The following AGAP1 variants were observed in gnomAD, a reference collection of about 807,000 sequenced individuals.
AGAP1 encodes ArfGAP with GTPase domain, ankyrin repeat and PH domain 1.
AGAP1 carries 29 observed loss-of-function variants against 105.3 expected under a neutral mutation model. The ratio of observed to expected loss-of-function variants is 0.28; its 90% CI spans 0.21 to 0.38. The LOEUF is 0.38. Ranked by LOEUF, AGAP1 falls within the 10% of genes least tolerant of loss-of-function variation. The pLI is 1.00. For synonymous variants in AGAP1, 509 were observed against 485.9 expected (o/e 1.05, Z -0.63); for missense variants, 998 against 1,165.1 (o/e 0.86, Z 2.09).
chr2:236,101,629 G>A lies in AGAP1; in HGVS notation c.2115-18563G>A, dbSNP rs987514980. Reference sequence around the variant, plus strand: ...TCCACTTTACGGGATCCGGAGCGGAGGAAAAGGGCCATTTCTCTTCCCTTA... The same window carrying A: ...TCCACTTTACGGGATCCGGAGCGGAAGAAAAGGGCCATTTCTCTTCCCTTA... On this transcript the variant is annotated intron_variant, in intron 16 of 17. Transcript: ENST00000304032. The surrounding 1 kb of genome is among the most constrained non-coding windows in gnomAD (Gnocchi z 4.9). Among the ~76,000 whole-genome samples the A allele has an allele frequency of 7.9e-5, 12 of 152,296 alleles. No individual in the cohort carries two copies. Among genetic ancestry groups the A allele is most frequent in the Non-Finnish European group, 1.6e-4 (11 of 68,030 alleles).
intron 10 of AGAP1, among the ~76,000 whole-genome samples, chr2:235,902,783 C>A (rs1229289419): frequency 1.3e-5 from 2 of 152,216 alleles, no homozygotes; most frequent in African/African-American, 4.8e-5. Flanking sequence ...CAACCATCAC[C>A]CTCCGGTAGC....
rs932823413 is a variant in AGAP1, at chr2:236,077,201, C to G, written c.2114+27920C>G. ...CGAGAGATAATCAGTTAATGTTTGA[C>G]ATATTACATGTAGTCTTCCTCTGCA... On this transcript the variant is annotated intron_variant, in intron 16 of 17. Coordinates refer to ENST00000304032, the MANE Select transcript of AGAP1 (RefSeq NM_001037131.3). 2.1e-5 allele frequency among the ~76,000 whole-genome samples: 3 copies of G among 146,254 alleles called. No homozygotes were observed. In the Admixed American group the frequency reaches 2.1e-4, roughly 10 times the overall value.
chr2:235,534,235 G>A (rs529987508), intron 1 of AGAP1, among the ~76,000 whole-genome samples: 6 of 152,204 alleles, frequency 3.9e-5, no homozygotes, highest in Admixed American at 6.5e-5. Context: ...AAATGGGACC[G>A]ATAGCGTGCG....
rs550525810 is a variant in AGAP1, at chr2:236,102,199, C to T, written c.2115-17993C>T. Among the ~76,000 whole-genome samples the T allele has an allele frequency of 8.0e-4, 122 of 152,230 alleles. 1 individual carries two copies. Among genetic ancestry groups the T allele is most frequent in the African/African-American group, 1.6e-3 (68 of 41,538 alleles). ...TTGGGAGGCCAAGGCGGGCGGATCA[C>T]AAGGTCAGGAGATCGAGACCATCCT... On this transcript the variant is annotated intron_variant, in intron 16 of 17. Coordinates refer to ENST00000304032, the MANE Select transcript of AGAP1 (RefSeq NM_001037131.3).
rs1315187508 is a variant in AGAP1, at chr2:235,663,077, C to T, written c.164-46102C>T. On this transcript the variant is annotated intron_variant, in intron 1 of 17. Transcript: ENST00000304032. This position sits in a 1 kb window ranked among gnomAD's most constrained non-coding sequence, Gnocchi z 5.4. ...TGGTGGCTCACACCTGTAATCCCAG[C>T]ACTTTGGGAGGCCGAGGCGGGTGGA... is the stretch of plus-strand genomic sequence containing the variant. Among the ~76,000 whole-genome samples the T allele has an allele frequency of 6.6e-6, 1 of 152,148 alleles. No homozygotes were observed. The highest frequency in any genetic ancestry group is 2.4e-5 in the African/African-American group (1 of 41,450).
intron 1 of AGAP1, among the ~76,000 whole-genome samples, chr2:235,686,601 A>G (rs557012781): frequency 5.3e-5 from 7 of 132,916 alleles, no homozygotes; most frequent in African/African-American, 1.5e-4. Context: ...GTGTGTGTAT[A>G]TATATACGTG....
chr2:235,569,315 AAAAAAAAGGATCT>A lies in AGAP1; in HGVS notation c.163+74467_163+74479del, dbSNP rs1944445245. 1.3e-5 allele frequency among the ~76,000 whole-genome samples: 2 copies of A among 151,954 alleles called. No individual in the cohort carries two copies. Among genetic ancestry groups the A allele is most frequent in the African/African-American group, 4.8e-5 (2 of 41,374 alleles). On this transcript the variant is annotated intron_variant, in intron 1 of 17. Coordinates refer to ENST00000304032, the MANE Select transcript of AGAP1 (RefSeq NM_001037131.3). This position sits in a 1 kb window ranked among gnomAD's most constrained non-coding sequence, Gnocchi z 5.9. ...GGGCGACAGAGCGAGACACCATCTC[AAAAAAAAGGATCT>A]TGGAGGAAGTACATGACCCCGAGTG...
chr2:236,045,853 C>T lies in AGAP1; in HGVS notation c.1892-3206C>T. On this transcript the variant is annotated intron_variant, in intron 15 of 17. Coordinates refer to ENST00000304032, the MANE Select transcript of AGAP1 (RefSeq NM_001037131.3). This position sits in a 1 kb window ranked among gnomAD's most constrained non-coding sequence, Gnocchi z 6.9. ...AGGCAAGGTTCTCCCCTCAGTCAGC[C>T]CCAGCCTTACCTGTCTCTAAGCAGA... 1 of 434,800 alleles carries T rather than the reference C, an allele frequency of 2.3e-6. No homozygotes were observed. The highest frequency in any genetic ancestry group is 2.4e-5 in the Admixed American group (1 of 41,292). The allele number at this position is 434,800 out of a possible 1,614,324, so 26.9% of individuals were successfully genotyped here.
rs763688085 is a variant in AGAP1 at position 236,036,512 on chromosome 2, C to T, written c.1646-49C>T. 6.2e-7 allele frequency: 1 copy of T among 1,600,446 alleles called. No homozygotes were observed. Among genetic ancestry groups the T allele is most frequent in the East Asian group, 2.2e-5 (1 of 44,858 alleles). On this transcript the variant is annotated intron_variant, in intron 13 of 17. Coordinates refer to ENST00000304032, the MANE Select transcript of AGAP1 (RefSeq NM_001037131.3). The surrounding 1 kb of genome is among the most constrained non-coding windows in gnomAD (Gnocchi z 5.7). ...CTGTGACAGAGGGCCCGCAGGGGGACTGCTGTCTCATAAAAGCTAAACTCT... is the reference window on the plus strand; with the variant it reads ...CTGTGACAGAGGGCCCGCAGGGGGATTGCTGTCTCATAAAAGCTAAACTCT...
At chr2:235,497,395 A>G (rs1574683802) in intron 1 of AGAP1, among the ~76,000 whole-genome samples, 3 of 152,268 alleles carry the variant, frequency 2.0e-5, no homozygotes, top group Admixed American at 2.0e-4. Flanking sequence ...TGCACCTTGG[A>G]GGTTTTAAAG....
intron 16 of AGAP1, among the ~76,000 whole-genome samples, chr2:236,098,854 T>C (rs966455776): frequency 6.6e-6 from 1 of 151,734 alleles, no homozygotes; most frequent in African/African-American, 2.4e-5. Context: ...AACTCTTGGC[T>C]TCGAGTGATC....
At chr2:235,575,973 C>T (rs1232148813) in intron 1 of AGAP1, among the ~76,000 whole-genome samples, 1 of 152,092 alleles carries the variant, frequency 6.6e-6, no homozygotes, top group Admixed American at 6.5e-5. Context: ...ACGTGTTGTC[C>T]CCTCACATAA....
At chr2:235,938,152 A>C (rs2053080699) in intron 12 of AGAP1, among the ~76,000 whole-genome samples, 1 of 152,218 alleles carries the variant, frequency 6.6e-6, no homozygotes, top group Non-Finnish European at 1.5e-5. Flanking sequence ...TGTAACATTC[A>C]TGGAACTCAC....
At position 235,689,591 on chromosome 2, in the gene AGAP1, T is replaced by C. The variant is rs771842416; in HGVS notation, c.164-19588T>C. ...CAACTCCCCTCTTGTTTTCATTGTT[T>C]CAGGCAAATAATTTCTGATGGACAC... On this transcript the variant is annotated intron_variant, in intron 1 of 17. Coordinates refer to ENST00000304032, the MANE Select transcript of AGAP1 (RefSeq NM_001037131.3). The surrounding 1 kb of genome is among the most constrained non-coding windows in gnomAD (Gnocchi z 4.2). Among the ~76,000 whole-genome samples the C allele has an allele frequency of 1.3e-5, 2 of 152,244 alleles. No homozygotes were observed. Among genetic ancestry groups the C allele is most frequent in the Admixed American group, 6.5e-5 (1 of 15,288 alleles).
intron 1 of AGAP1, among the ~76,000 whole-genome samples, chr2:235,496,742 A>G (rs888224086): frequency 3.8e-5 from 5 of 132,322 alleles, no homozygotes; most frequent in Non-Finnish European, 8.0e-5. Flanking sequence ...ATGTGGTTGC[A>G]TTTTCCTTTC....
chr2:236,028,628 G>A (rs182765550), intron 13 of AGAP1, among the ~76,000 whole-genome samples: 2 of 152,032 alleles, frequency 1.3e-5, no homozygotes, highest in East Asian at 3.9e-4. Context: ...GGTGATTTGG[G>A]GTTTTCTATG....
At chr2:235,947,345 T>G (rs1215162637) in intron 12 of AGAP1, among the ~76,000 whole-genome samples, 3 of 152,224 alleles carry the variant, frequency 2.0e-5, no homozygotes, top group African/African-American at 7.2e-5. Context: ...CATTCCTGAG[T>G]TACTTCACTT....
intron 16 of AGAP1, among the ~76,000 whole-genome samples, chr2:236,094,201 TC>T (rs2059131850): frequency 6.6e-6 from 1 of 151,672 alleles, no homozygotes; most frequent in Admixed American, 6.6e-5. Flanking sequence ...ACAACCATAG[TC>T]CCAGCTACTC....
chr2:235,702,704 A>C (rs7585367), intron 1 of AGAP1, among the ~76,000 whole-genome samples: 11,614 of 152,164 alleles, frequency 0.076, 1,459 homozygotes, highest in African/African-American at 0.26. Flanking sequence ...GCCACTATTC[A>C]AACATATTTG....
Sources: gnomAD v4.1 joint callset for allele counts (sites outside exome capture counted in the v4.1 genomes callset) on GRCh38, gnomAD v4.1.1 for gene constraint, Gnocchi (gnomAD v3.1) non-coding constraint, MANE v1.5 for transcripts, NCBI Gene and HGNC (gene_info 2026-07-23, HGNC 2026-07-21) for gene names.